SOX5: variants seen among roughly 807,000 people sequenced by gnomAD.
SOX5 encodes the protein SRY-box transcription factor 5.
In SOX5, 9 loss-of-function variants were observed where a neutral mutation model predicts 92.0. The ratio of observed to expected loss-of-function variants is 0.10; its 90% CI spans 0.06 to 0.17. The LOEUF is 0.17. SOX5 is among the 10% of genes least tolerant of loss of function. SOX5 has a pLI of 1.00. For missense variants in SOX5, 642 were observed against 944.5 expected, an observed-to-expected ratio of 0.68 and a Z score of 4.20; for synonymous variants, 344 against 336.3, an observed-to-expected ratio of 1.02 and a Z score of -0.25.
At chr12:24,385,474 A>G (rs184244170) in intron 1 of SOX5, among the ~76,000 whole-genome samples, 231 of 152,298 alleles carry the variant, frequency 1.5e-3, no homozygotes, top group Non-Finnish European at 2.8e-3. Flanking sequence ...ACATAACCCC[A>G]TTGTATGTCG....
At chr12:23,932,962 A>C (rs1027888673) in intron 1 of SOX5, among the ~76,000 whole-genome samples, 1 of 151,596 alleles carries the variant, frequency 6.6e-6, no homozygotes, top group Non-Finnish European at 1.5e-5. Flanking sequence ...TAAAATGATA[A>C]ATTGTAAAAT....
intron 3 of SOX5, among the ~76,000 whole-genome samples, chr12:23,834,551 G>T (rs1392794113): frequency 6.6e-6 from 1 of 151,860 alleles, no homozygotes; most frequent in South Asian, 2.1e-4. Context: ...ATTTGTTAAG[G>T]TCTCTCCTTT....
At chr12:23,694,241 T>C (rs2089419483) in intron 6 of SOX5, among the ~76,000 whole-genome samples, 2 of 152,218 alleles carry the variant, frequency 1.3e-5, no homozygotes, top group African/African-American at 2.4e-5. Flanking sequence ...TTTTTATGTA[T>C]ACTCCTTGAT....
At chr12:24,272,294 G>A (rs1455119639) in intron 3 of SOX5, among the ~76,000 whole-genome samples, 1 of 152,046 alleles carries the variant, frequency 6.6e-6, no homozygotes, top group East Asian at 1.9e-4. Flanking sequence ...TTGCAAAATT[G>A]TCTTATTAAC....
intron 2 of SOX5, among the ~76,000 whole-genome samples, chr12:24,320,448 C>A (rs775959021): frequency 4.6e-5 from 7 of 152,160 alleles, no homozygotes; most frequent in African/African-American, 7.2e-5. Flanking sequence ...TATATCTATT[C>A]TTCAGAGCAA....
intron 2 of SOX5, among the ~76,000 whole-genome samples, chr12:23,854,587 T>G (rs1375991359): frequency 2.6e-5 from 4 of 152,088 alleles, no homozygotes; most frequent in Non-Finnish European, 5.9e-5. Context: ...GAAAATAAAC[T>G]TTTTAAAAAG....
intron 3 of SOX5, among the ~76,000 whole-genome samples, chr12:23,792,122 C>T (rs922986956): frequency 1.3e-5 from 2 of 151,736 alleles, no homozygotes; most frequent in Admixed American, 6.6e-5. Context: ...AGGTGTCAAA[C>T]GTGTACACAA....
At chr12:23,693,886 C>G (rs1452942485) in intron 6 of SOX5, among the ~76,000 whole-genome samples, 3 of 152,158 alleles carry the variant, frequency 2.0e-5, no homozygotes, top group African/African-American at 7.2e-5. Flanking sequence ...TCCATTCAAA[C>G]TTCAACCTCT....
chr12:23,981,845 G>T (rs1038402617), intron 4 of SOX5, among the ~76,000 whole-genome samples: 3 of 151,994 alleles, frequency 2.0e-5, no homozygotes, highest in Admixed American at 1.3e-4. Context: ...ACAATTCCTT[G>T]TTTTCTAGTA....
chr12:23,979,748 T>G (rs1949351529), intron 4 of SOX5, among the ~76,000 whole-genome samples: 1 of 126,360 alleles, frequency 7.9e-6, no homozygotes, highest in Non-Finnish European at 1.6e-5. Flanking sequence ...GACAGGGCCT[T>G]ACTGTGTCAC....
chr12:23,666,729 A>G (rs2083870746), intron 6 of SOX5, among the ~76,000 whole-genome samples: 1 of 152,206 alleles, frequency 6.6e-6, no homozygotes. Context: ...GTAGAGATGC[A>G]ATAGTGAACA....
chr12:23,644,412 C>T (rs759382179), intron 7 of SOX5, among the ~76,000 whole-genome samples: 2 of 152,160 alleles, frequency 1.3e-5, no homozygotes, highest in Non-Finnish European at 2.9e-5. Flanking sequence ...TCTTAAGGCA[C>T]AACAGTTTTA....
At chr12:24,379,350 G>GT (rs1957592836) in intron 1 of SOX5, among the ~76,000 whole-genome samples, 1 of 152,164 alleles carries the variant, frequency 6.6e-6, no homozygotes, top group African/African-American at 2.4e-5. Context: ...CAATCATCAG[G>GT]TTTTAGAATG....
chr12:24,366,683 T>C (rs1956209114), intron 2 of SOX5, among the ~76,000 whole-genome samples: 2 of 152,194 alleles, frequency 1.3e-5, no homozygotes, highest in African/African-American at 2.4e-5. Flanking sequence ...AGTGTAACTA[T>C]TACTGGCTTT....
At chr12:24,390,008 T>C (rs1262449980) in intron 1 of SOX5, among the ~76,000 whole-genome samples, 1 of 152,168 alleles carries the variant, frequency 6.6e-6, no homozygotes, top group Non-Finnish European at 1.5e-5. Context: ...CCTCAAATCA[T>C]TTCCTTTAAG....
intron 4 of SOX5, among the ~76,000 whole-genome samples, chr12:24,187,440 T>C (rs1280787369): frequency 1.3e-5 from 2 of 152,212 alleles, no homozygotes; most frequent in African/African-American, 4.8e-5. Context: ...AAGTATTACA[T>C]CAAAGAAAAG....
Position 24,001,469 on chromosome 12 carries a change from G to A in SOX5, c.-1-105445C>T, listed in dbSNP as rs143385711. On this transcript the variant is annotated intron_variant, in intron 4 of 4. Transcript: ENST00000446891. ...AGTTTAAAAAAATCAGTAAATATTT[G>A]GAAATTAAAAACACATTTCTAAATA... 1.7e-3 allele frequency among the ~76,000 whole-genome samples: 262 copies of A among 152,024 alleles called. 1 individual carries two copies. The highest frequency in any genetic ancestry group is 5.8e-3 in the African/African-American group (242 of 41,478).
At chr12:24,209,822 T>A (rs1286340603) in intron 4 of SOX5, among the ~76,000 whole-genome samples, 2 of 151,150 alleles carry the variant, frequency 1.3e-5, no homozygotes, top group Admixed American at 1.3e-4. Context: ...ATCGAGACCA[T>A]CCTGGCTAAA....
At chr12:23,894,388 C>T (rs557517212) in intron 2 of SOX5, among the ~76,000 whole-genome samples, 1 of 152,190 alleles carries the variant, frequency 6.6e-6, no homozygotes, top group African/African-American at 2.4e-5. Context: ...TCACCATGCC[C>T]AGCTAATCTT....
Sources: allele counts gnomAD v4.1 joint callset (sites outside exome capture counted in the v4.1 genomes callset), GRCh38; gene constraint gnomAD v4.1.1; transcripts MANE v1.5; gene names NCBI Gene and HGNC (gene_info 2026-07-23, HGNC 2026-07-21).